ZNF724: variants seen among roughly 807,000 people sequenced by gnomAD.
ZNF724 encodes the protein zinc finger protein 724.
A neutral mutation model predicts 29.3 loss-of-function variants in ZNF724; 14 were observed. The observed-to-expected ratio is 0.48, with a 90% CI of 0.32 to 0.75. The LOEUF is 0.75. ZNF724 is among the 30% of genes least tolerant of loss of function. The probability of loss-of-function intolerance (pLI) is 0.04; values close to 1 mark genes in which losing one functional copy is unlikely to be tolerated. For missense variants in ZNF724, 557 were observed against 571.2 expected (o/e 0.98, Z 0.25); for synonymous variants, 180 against 193.6 (o/e 0.93, Z 0.58).
intron 3 of ZNF724, among the ~76,000 whole-genome samples, chr19:23,226,939 T>TA (rs1053798033): frequency 1.2e-4 from 18 of 151,030 alleles, no homozygotes; most frequent in African/African-American, 4.1e-4. Flanking sequence ...AAACCAACAC[T>TA]AAAAAAAACA....
chr19:23,233,728 G>T (rs918389677), intron 1 of ZNF724, among the ~76,000 whole-genome samples: 12 of 151,612 alleles, frequency 7.9e-5, no homozygotes, highest in African/African-American at 2.7e-4. Context: ...GTCAAGGTTT[G>T]CAAGTACTAA....
rs1015176182 is a variant in ZNF724, at chr19:23,232,305, A to G, written c.4-12T>C. 4 of 1,194,808 alleles carry G rather than the reference A, an allele frequency of 3.3e-6. No homozygotes were observed. Among genetic ancestry groups the G allele is most frequent in the Non-Finnish European group, 5.0e-6 (4 of 806,978 alleles). The allele number at this position is 1,194,808 out of a possible 1,614,324, so 74.0% of individuals were successfully genotyped here. On this transcript the variant is annotated splice_polypyrimidine_tract_variant and intron_variant, in intron 1 of 3. Transcript: ENST00000418100. ...AATGTCAATGGTCCCTGAAAAGTACACACACACATATTTACGAAGTGGCCA... is the reference window on the plus strand; with the variant it reads ...AATGTCAATGGTCCCTGAAAAGTACGCACACACATATTTACGAAGTGGCCA...
chr19:23,239,044 T>TA (rs1349673866), intron 1 of ZNF724, among the ~76,000 whole-genome samples: 43 of 149,376 alleles, frequency 2.9e-4, no homozygotes, highest in Non-Finnish European at 4.6e-4. Context: ...AAAGGTGTTC[T>TA]AAAAAAATCC....
At chr19:23,243,304 G>A (rs1368979298) in intron 1 of ZNF724, among the ~76,000 whole-genome samples, 2 of 147,282 alleles carry the variant, frequency 1.4e-5, no homozygotes, top group African/African-American at 2.5e-5. Flanking sequence ...ATGGTGAAAC[G>A]CCGTCTCTAC....
Position 23,223,180 on chromosome 19 carries a change from T to C in ZNF724, c.1065A>G (p.Gln355=), listed in dbSNP as rs749254727. 7.1e-6 allele frequency: 9 copies of C among 1,271,232 alleles called. No homozygotes were observed. In the East Asian group the frequency reaches 1.8e-4, roughly 26 times the overall value. 78.7% of individuals were successfully genotyped at this position (1,271,232 alleles called of 1,614,324 possible). The change falls in exon 4 of 4, where the codon CAA becomes CAG. Residue 355 remains glutamine, a synonymous_variant. Coordinates refer to ENST00000418100, the MANE Select transcript of ZNF724 (RefSeq NM_001355404.2). ...KAFNVSSTLT[Q]HKRIHTGEKP... ...TCTCTCCAGTATGAATTCTCTTATG[T>C]TGAGTAAGGGTTGAGGACACATTAA...
At chr19:23,243,480 A>ATAT (rs1208592352) in intron 1 of ZNF724, among the ~76,000 whole-genome samples, 1 of 140,764 alleles carries the variant, frequency 7.1e-6, no homozygotes, top group Non-Finnish European at 1.5e-5. Context: ...CATCTCAAAA[A>ATAT]AAAAAAAAAA....
At chr19:23,249,559 C>T (rs1045559997) in intron 1 of ZNF724, among the ~76,000 whole-genome samples, 124 of 152,232 alleles carry the variant, frequency 8.1e-4, no homozygotes, top group African/African-American at 3.0e-3. Flanking sequence ...CCACCACGCC[C>T]GGCTAATTTT....
intron 1 of ZNF724, among the ~76,000 whole-genome samples, chr19:23,235,555 GT>G (rs2145783672): frequency 6.6e-6 from 1 of 152,150 alleles, no homozygotes; most frequent in African/African-American, 2.4e-5. Flanking sequence ...TCAGAAAATT[GT>G]GAGCACCAGC....
intron 1 of ZNF724, among the ~76,000 whole-genome samples, chr19:23,239,085 C>A (rs762406298): frequency 1.3e-5 from 2 of 149,384 alleles, no homozygotes; most frequent in African/African-American, 4.9e-5. Context: ...CAAGTTCTTA[C>A]GGAGAGCTAT....
At chr19:23,240,036 G>A (rs563148602) in intron 1 of ZNF724, among the ~76,000 whole-genome samples, 2 of 152,128 alleles carry the variant, frequency 1.3e-5, no homozygotes, top group Non-Finnish European at 2.9e-5. Flanking sequence ...AGGGGGCCAG[G>A]TGCCGTGACT....
intron 3 of ZNF724, among the ~76,000 whole-genome samples, chr19:23,229,460 C>T (rs1971896927): frequency 6.6e-6 from 1 of 152,032 alleles, no homozygotes; most frequent in East Asian, 1.9e-4. Flanking sequence ...TACACAGTGA[C>T]CTGGCAAAAT....
At chr19:23,244,776 TG>T (rs1196954894) in intron 1 of ZNF724, among the ~76,000 whole-genome samples, 7 of 152,314 alleles carry the variant, frequency 4.6e-5, no homozygotes, top group African/African-American at 1.7e-4. Flanking sequence ...ACAAACCCCA[TG>T]GGCCCATTTA....
At chr19:23,241,059 A>AC (rs1568344862) in intron 1 of ZNF724, among the ~76,000 whole-genome samples, 77 of 151,120 alleles carry the variant, frequency 5.1e-4, no homozygotes, top group African/African-American at 1.9e-3. Context: ...ACAACAAAAA[A>AC]AAAAGACTAC....
intron 1 of ZNF724, 126 bp downstream of exon 1, chr19:23,250,114 C>T: frequency 1.9e-6 from 1 of 538,492 alleles, no homozygotes; most frequent in Non-Finnish European, 3.8e-6. Flanking sequence ...CCCAGCTGGG[C>T]AAGGAGAACT....
At chr19:23,231,391 G>A in intron 2 of ZNF724, 30 bp from the exon 3 acceptor site, 5 of 1,273,280 alleles carry the variant, frequency 3.9e-6, no homozygotes, top group Non-Finnish European at 5.6e-6. Flanking sequence ...TAACATGAAT[G>A]TTGCTCATAT....
At chr19:23,232,619 CAT>C (rs1568341419) in intron 1 of ZNF724, among the ~76,000 whole-genome samples, 1 of 151,380 alleles carries the variant, frequency 6.6e-6, no homozygotes, top group Non-Finnish European at 1.5e-5. Flanking sequence ...AGATGAAAGA[CAT>C]GTCGAGTTAC....
chr19:23,232,799 C>T (rs7249858), intron 1 of ZNF724, among the ~76,000 whole-genome samples: 77,757 of 143,376 alleles, frequency 0.54, 20,762 homozygotes, highest in East Asian at 0.7. Flanking sequence ...AAACATCCAA[C>T]AAGTGAAATA....
chr19:23,243,339 G>T (rs1454029246), intron 1 of ZNF724, among the ~76,000 whole-genome samples: 2 of 151,280 alleles, frequency 1.3e-5, no homozygotes, highest in Admixed American at 6.6e-5. Flanking sequence ...CTAGCCAGGC[G>T]TGGTGGCTTG....
intron 3 of ZNF724, among the ~76,000 whole-genome samples, chr19:23,225,746 A>T (rs923314989): frequency 6.6e-6 from 1 of 152,182 alleles, no homozygotes; most frequent in African/African-American, 2.4e-5. Context: ...AAAGAGTCAC[A>T]CTCATAAAAA....
Sources: allele counts gnomAD v4.1 joint callset (sites outside exome capture counted in the v4.1 genomes callset), GRCh38; gene constraint gnomAD v4.1.1; transcripts MANE v1.5; gene names NCBI Gene and HGNC (gene_info 2026-07-23, HGNC 2026-07-21).